Variants in TRIM24 observed in about 807,000 individuals in gnomAD.
The protein encoded by TRIM24 is transcription intermediary factor 1-alpha.
Under a neutral mutation model 123.9 loss-of-function variants are expected in TRIM24, and 29 were observed. The ratio of observed to expected loss-of-function variants is 0.23; its 90% CI spans 0.17 to 0.32. The LOEUF (loss-of-function observed/expected upper bound fraction) is 0.32. TRIM24 is among the 10% of genes least tolerant of loss of function. The pLI is 1.00. For missense variants in TRIM24, 932 were observed against 1,295.3 expected, an observed-to-expected ratio of 0.72 and a Z score of 4.31; for synonymous variants, 456 against 461.1, an observed-to-expected ratio of 0.99 and a Z score of 0.14.
Position 138,584,882 on chromosome 7 carries a change from AGAT to A in TRIM24, c.3090_3092del (p.Asp1031del). ...AAGATAATAAATTTAGTGATGATTCAGATGATGACTTTGTACAGCCCCGGAAGA... is the reference window on the plus strand; with the variant it reads ...AAGATAATAAATTTAGTGATGATTCAGATGACTTTGTACAGCCCCGGAAGA... On this transcript the variant is annotated inframe_deletion, in exon 19 of 19. Coordinates refer to ENST00000343526, the MANE Select transcript of TRIM24 (RefSeq NM_015905.3). 6.2e-7 allele frequency: 1 copy of A among 1,613,866 alleles called. No individual in the cohort carries two copies.
At chr7:138,536,526 C>T (rs2116603282) in intron 6 of TRIM24, among the ~76,000 whole-genome samples, 1 of 152,368 alleles carries the variant, frequency 6.6e-6, no homozygotes, top group East Asian at 1.9e-4. Context: ...GGCTGCAGAG[C>T]AGCGAATATT....
At chr7:138,478,291 G>A (rs1404811048) in intron 1 of TRIM24, among the ~76,000 whole-genome samples, 1 of 152,056 alleles carries the variant, frequency 6.6e-6, no homozygotes, top group Non-Finnish European at 1.5e-5. Context: ...ATTGGTTTAT[G>A]TACTAGTATA....
chr7:138,530,379 C>CT (rs1209242783), intron 6 of TRIM24, among the ~76,000 whole-genome samples: 1 of 152,090 alleles, frequency 6.6e-6, no homozygotes, highest in Non-Finnish European at 1.5e-5. Flanking sequence ...ACTTGAAGAG[C>CT]TTTACAAAGG....
At chr7:138,557,097 A>G (rs1026710566) in intron 9 of TRIM24, among the ~76,000 whole-genome samples, 1 of 152,156 alleles carries the variant, frequency 6.6e-6, no homozygotes, top group Non-Finnish European at 1.5e-5. Context: ...GCATGAGGAG[A>G]TAGTAAAGGA....
intron 6 of TRIM24, among the ~76,000 whole-genome samples, chr7:138,532,299 T>G (rs565011489): frequency 4.8e-4 from 73 of 152,008 alleles, no homozygotes; most frequent in Admixed American, 3.7e-3. Flanking sequence ...CCATGCCTAT[T>G]TCCTGAATGG....
At chr7:138,561,184 TGTTCTGTGGGCA>T (rs1162964159) in intron 9 of TRIM24, among the ~76,000 whole-genome samples, 1 of 152,230 alleles carries the variant, frequency 6.6e-6, no homozygotes, top group East Asian at 1.9e-4. Flanking sequence ...TTTGGGCTGA[TGTTCTGTGGGCA>T]GAAACTGAGC....
At chr7:138,473,057 G>C (rs1278727321) in intron 1 of TRIM24, among the ~76,000 whole-genome samples, 1 of 151,964 alleles carries the variant, frequency 6.6e-6, no homozygotes, top group Non-Finnish European at 1.5e-5. Flanking sequence ...AGGCAGGCGG[G>C]TTACCTGAGG....
intron 6 of TRIM24, among the ~76,000 whole-genome samples, chr7:138,531,729 A>G (rs1796750610): frequency 6.6e-6 from 1 of 152,198 alleles, no homozygotes; most frequent in South Asian, 2.1e-4. Context: ...TTGGGTATAT[A>G]CCCAGTAATG....
chr7:138,498,021 C>CTTAT (rs1280115284), intron 1 of TRIM24, among the ~76,000 whole-genome samples: 4 of 149,352 alleles, frequency 2.7e-5, no homozygotes, highest in Non-Finnish European at 5.9e-5. Context: ...TTTATTTTTA[C>CTTAT]TTATTTATTT....
Position 138,579,539 on chromosome 7 carries a change from T to G in TRIM24, c.2585+7T>G, listed in dbSNP as rs375874698. 9 of 1,577,838 alleles carry G rather than the reference T, an allele frequency of 5.7e-6. No individual in the cohort carries two copies. Among genetic ancestry groups the G allele is most frequent in the Non-Finnish European group, 7.8e-6 (9 of 1,158,806 alleles). On this transcript the variant is annotated splice_region_variant and intron_variant, in intron 15 of 18. Transcript: ENST00000343526. Reference sequence around the variant, plus strand: ...CATTGACAAATTTTCCAAGGTAAGATAGTACTTCCCTTCCCACATTCTTTT... The same window carrying G: ...CATTGACAAATTTTCCAAGGTAAGAGAGTACTTCCCTTCCCACATTCTTTT...
In TRIM24 at chr7:138,561,265, A is replaced by G. The variant is rs190651235; in HGVS notation, c.1531-6216A>G. On this transcript the variant is annotated intron_variant, in intron 9 of 18. Coordinates refer to ENST00000343526, the MANE Select transcript of TRIM24 (RefSeq NM_015905.3). ...CCCAGCCTGCCGGACCCCTTCCAAT[A>G]CAAAATTGCTTCCATCTGTAAAGTA... 1.6e-4 allele frequency among the ~76,000 whole-genome samples: 24 copies of G among 152,214 alleles called. No homozygotes were observed. The South Asian group carries it at 2.9e-3, about 18-fold the overall frequency.
chr7:138,461,878 A>G (rs1021807394), intron 1 of TRIM24, among the ~76,000 whole-genome samples: 15 of 152,202 alleles, frequency 9.9e-5, no homozygotes, highest in African/African-American at 3.6e-4. Flanking sequence ...CTAATTAAGT[A>G]ATTATGCTAG....
At chr7:138,467,033 A>G (rs1159239723) in intron 1 of TRIM24, among the ~76,000 whole-genome samples, 2 of 152,210 alleles carry the variant, frequency 1.3e-5, no homozygotes, top group Non-Finnish European at 2.9e-5. Context: ...TAAAGACAGT[A>G]CTTTTTCATT....
At chr7:138,495,395 G>A (rs921192002) in intron 1 of TRIM24, among the ~76,000 whole-genome samples, 22 of 152,182 alleles carry the variant, frequency 1.4e-4, no homozygotes, top group African/African-American at 3.9e-4. Flanking sequence ...ATGCATCTTA[G>A]TCTTTAAGAA....
chr7:138,532,579 T>A (rs1420051071), intron 6 of TRIM24, among the ~76,000 whole-genome samples: 1 of 152,202 alleles, frequency 6.6e-6, no homozygotes, highest in Non-Finnish European at 1.5e-5. Context: ...TATATCTCTG[T>A]TTTGGTACCA....
intron 6 of TRIM24, among the ~76,000 whole-genome samples, chr7:138,531,069 T>A (rs1457763864): frequency 1.3e-5 from 2 of 152,112 alleles, no homozygotes; most frequent in Non-Finnish European, 2.9e-5. Flanking sequence ...CTACAAGCGA[T>A]CCTCCTGACT....
intron 1 of TRIM24, among the ~76,000 whole-genome samples, chr7:138,482,758 G>GT (rs970703602): frequency 5.9e-4 from 89 of 151,732 alleles, no homozygotes; most frequent in Middle Eastern, 6.8e-3. Flanking sequence ...AATGTGTGGG[G>GT]TTTTTTTTCC....
At chr7:138,578,475 T>G (rs2116686558) in intron 14 of TRIM24, among the ~76,000 whole-genome samples, 1 of 151,876 alleles carries the variant, frequency 6.6e-6, no homozygotes. Flanking sequence ...ACTAAAACAA[T>G]CAATGCTTAA....
chr7:138,568,638 C>A (rs902430289), intron 10 of TRIM24, among the ~76,000 whole-genome samples: 1 of 152,036 alleles, frequency 6.6e-6, no homozygotes, highest in Non-Finnish European at 1.5e-5. Context: ...ATGCCCGCCT[C>A]AGCCTCCCAA....
Sources: gnomAD v4.1 joint callset for allele counts (sites outside exome capture counted in the v4.1 genomes callset) on GRCh38, gnomAD v4.1.1 for gene constraint, MANE v1.5 for transcripts, NCBI Gene and HGNC (gene_info 2026-07-23, HGNC 2026-07-21) for gene names.